Variants in ROBO1 observed in about 807,000 individuals in gnomAD.
ROBO1 encodes roundabout homolog 1.
A neutral mutation model predicts 195.9 loss-of-function variants in ROBO1; 149 were observed. The ratio of observed to expected loss-of-function variants is 0.76; its 90% CI spans 0.67 to 0.87. The LOEUF (loss-of-function observed/expected upper bound fraction) is 0.87. ROBO1 is among the 40% of genes least tolerant of loss of function. The probability of loss-of-function intolerance (pLI) is 0.00; values close to 1 mark genes in which losing one functional copy is unlikely to be tolerated. For synonymous variants in ROBO1, 816 were observed against 733.2 expected (o/e 1.11, Z -1.82); for missense variants, 1,933 against 2,068.3 (o/e 0.93, Z 1.27).
At chr3:79,717,620 A>G (rs1482359882) in intron 1 of ROBO1, among the ~76,000 whole-genome samples, 1 of 152,018 alleles carries the variant, frequency 6.6e-6, no homozygotes, top group African/African-American at 2.4e-5. Context: ...ACTTAATTCA[A>G]TGGTTACATC....
At position 78,860,326 on chromosome 3, in the gene ROBO1, A is replaced by ATATATATATATATATATTT. The variant is rs376853384; in HGVS notation, c.499+78274_499+78275insAAATATATATATATATATA. 3.5e-3 allele frequency among the ~76,000 whole-genome samples: 324 copies of ATATATATATATATATATTT among 93,424 alleles called. 5 individuals carry two copies. The highest frequency in any genetic ancestry group is 0.014 in the African/African-American group (302 of 22,144). 61.3% of individuals were successfully genotyped at this position (93,424 alleles called of 152,430 possible). ...ACTATATATATATATATATATATAT[A>ATATATATATATATATATTT]TTTTTTTTTTTTTACTCATAAGGTG... On this transcript the variant is annotated intron_variant, in intron 4 of 30. Coordinates refer to ENST00000464233, the MANE Select transcript of ROBO1 (RefSeq NM_002941.4).
intron 10 of ROBO1, among the ~76,000 whole-genome samples, chr3:78,683,129 TACAC>T (rs71892319): frequency 3.3e-5 from 5 of 150,086 alleles, no homozygotes; most frequent in African/African-American, 4.9e-5. Flanking sequence ...GTTTTGTAGA[TACAC>T]ACACACACAC....
chr3:79,045,974 G>A (rs1485526650), intron 3 of ROBO1, among the ~76,000 whole-genome samples: 3 of 152,090 alleles, frequency 2.0e-5, no homozygotes, highest in African/African-American at 7.2e-5. Context: ...TATGAATGTA[G>A]GTTATTGTGG....
At chr3:79,248,212 T>C (rs2082658433) in intron 2 of ROBO1, among the ~76,000 whole-genome samples, 1 of 151,750 alleles carries the variant, frequency 6.6e-6, no homozygotes, top group Non-Finnish European at 1.5e-5. Flanking sequence ...TTGAGATAGG[T>C]GATCCCTTGT....
At chr3:79,227,358 G>A (rs1444720211) in intron 2 of ROBO1, among the ~76,000 whole-genome samples, 1 of 152,136 alleles carries the variant, frequency 6.6e-6, no homozygotes, top group Non-Finnish European at 1.5e-5. Flanking sequence ...CATATTCAAT[G>A]TTTCTTCTAT....
intron 2 of ROBO1, among the ~76,000 whole-genome samples, chr3:79,409,016 T>A (rs926253829): frequency 6.6e-6 from 1 of 152,142 alleles, no homozygotes; most frequent in Non-Finnish European, 1.5e-5. Context: ...TTGAAAATGA[T>A]ACAAAAAGTC....
intron 9 of ROBO1, among the ~76,000 whole-genome samples, chr3:78,686,279 G>A (rs576441954): frequency 3.9e-5 from 6 of 152,178 alleles, no homozygotes; most frequent in South Asian, 2.1e-4. Flanking sequence ...GTATCCGGCC[G>A]GGCGCGGTGG....
At chr3:79,118,730 T>C (rs1419048017) in intron 3 of ROBO1, among the ~76,000 whole-genome samples, 1 of 151,932 alleles carries the variant, frequency 6.6e-6, no homozygotes, top group East Asian at 1.9e-4. Flanking sequence ...TAGCTGGGCA[T>C]GGTGGTGCGT....
intron 3 of ROBO1, among the ~76,000 whole-genome samples, chr3:78,939,494 TG>T (rs2040014025): frequency 6.7e-6 from 1 of 149,510 alleles, no homozygotes; most frequent in African/African-American, 2.5e-5. Flanking sequence ...GGCGGACACC[TG>T]AAGTCCCAGC....
chr3:79,697,363 T>G (rs1303237106), intron 1 of ROBO1, among the ~76,000 whole-genome samples: 2 of 151,476 alleles, frequency 1.3e-5, no homozygotes, highest in African/African-American at 2.4e-5. Context: ...AGAAAAAAAT[T>G]AGATACATAC....
chr3:79,531,516 G>T (rs376077334), intron 2 of ROBO1, among the ~76,000 whole-genome samples: 1 of 151,986 alleles, frequency 6.6e-6, no homozygotes, highest in Non-Finnish European at 1.5e-5. Context: ...CCAGCTACTC[G>T]GTATGCTGAG....
chr3:79,640,855 C>G (rs992575275), intron 1 of ROBO1, among the ~76,000 whole-genome samples: 1 of 152,142 alleles, frequency 6.6e-6, no homozygotes, highest in South Asian at 2.1e-4. Flanking sequence ...TATTCAAAGT[C>G]AAGAGTTAAA....
chr3:79,176,227 C>G (rs2081260114), intron 2 of ROBO1, among the ~76,000 whole-genome samples: 1 of 152,136 alleles, frequency 6.6e-6, no homozygotes. Flanking sequence ...TTAGTGTTCC[C>G]TGATGTGTAT....
chr3:79,675,623 A>G (rs778781194), intron 1 of ROBO1, among the ~76,000 whole-genome samples: 10 of 152,210 alleles, frequency 6.6e-5, no homozygotes, highest in Non-Finnish European at 1.2e-4. Context: ...CTAATAATTT[A>G]GTGGAGAAAA....
intron 2 of ROBO1, among the ~76,000 whole-genome samples, chr3:79,480,568 C>T (rs1179585752): frequency 6.6e-6 from 1 of 151,990 alleles, no homozygotes; most frequent in Admixed American, 6.6e-5. Context: ...TAATATTGCT[C>T]TAATTTTTCT....
At chr3:79,366,764 C>G (rs977911386) in intron 2 of ROBO1, among the ~76,000 whole-genome samples, 4 of 152,172 alleles carry the variant, frequency 2.6e-5, no homozygotes, top group African/African-American at 9.7e-5. Flanking sequence ...TCTCGACGTT[C>G]ACTTCCCTGA....
At chr3:78,615,281 CTT>C (rs987236656) in intron 27 of ROBO1, among the ~76,000 whole-genome samples, 9 of 152,160 alleles carry the variant, frequency 5.9e-5, no homozygotes, top group African/African-American at 2.2e-4. Flanking sequence ...TTATAGTATA[CTT>C]TGAAGACAGA....
intron 1 of ROBO1, among the ~76,000 whole-genome samples, chr3:79,631,763 T>A (rs1199442734): frequency 6.6e-6 from 1 of 151,808 alleles, no homozygotes; most frequent in African/African-American, 2.4e-5. Flanking sequence ...TACAAGGAAC[T>A]CAAACAGTTC....
At chr3:79,269,700 T>C (rs967968562) in intron 2 of ROBO1, among the ~76,000 whole-genome samples, 4 of 151,716 alleles carry the variant, frequency 2.6e-5, no homozygotes, top group Non-Finnish European at 5.9e-5. Context: ...AAAAATGTAA[T>C]TAGCACTGTA....
Sources: gnomAD v4.1 joint callset for allele counts (sites outside exome capture counted in the v4.1 genomes callset) on GRCh38, gnomAD v4.1.1 for gene constraint, MANE v1.5 for transcripts, NCBI Gene and HGNC (gene_info 2026-07-23, HGNC 2026-07-21) for gene names.